FOXN2: variants seen among roughly 807,000 people sequenced by gnomAD.
The protein encoded by FOXN2 is forkhead box N2.
A neutral mutation model predicts 41.2 loss-of-function variants in FOXN2; 19 were observed. That is an observed-to-expected ratio of 0.46 (90% CI 0.32 to 0.68). FOXN2 has a LOEUF of 0.68. Ranked by LOEUF, FOXN2 falls within the 30% of genes least tolerant of loss-of-function variation. FOXN2 has a pLI of 0.03. For missense variants in FOXN2, 587 were observed against 509.4 expected (o/e 1.15, Z -1.47); for synonymous variants, 195 against 176.8 (o/e 1.10, Z -0.82).
rs960180879 is a variant in FOXN2, at chr2:48,314,829, G to A, written c.-157+15G>A. The A allele has an allele frequency of 6.6e-6, 1 of 152,056 alleles. No individual in the cohort carries two copies. The highest frequency in any genetic ancestry group is 2.1e-4 in the South Asian group (1 of 4,830). The allele number at this position is 152,056 out of a possible 1,614,324, so 9.4% of individuals were successfully genotyped here. A position where few individuals can be genotyped will look rare whatever the true frequency, so the allele number is the denominator to read the frequency against. ...CCGAGCTGACGGTGAGTCCCGGGCG[G>A]AGCGGTCCCCTCCAGGGTCGGCGCT... On this transcript the variant is annotated intron_variant, in intron 1 of 6. Coordinates refer to ENST00000340553, the MANE Select transcript of FOXN2 (RefSeq NM_002158.4).
chr2:48,327,909 T>C (rs892946953), intron 1 of FOXN2, among the ~76,000 whole-genome samples: 2 of 152,224 alleles, frequency 1.3e-5, no homozygotes, highest in African/African-American at 2.4e-5. Flanking sequence ...ATCAATATAT[T>C]AAACCAATCA....
At position 48,374,983 on chromosome 2, in the gene FOXN2, A is replaced by C. The variant is rs1673143774; in HGVS notation, c.836A>C (p.His279Pro). 6.2e-7 allele frequency: 1 copy of C among 1,613,830 alleles called. No individual in the cohort carries two copies. Among genetic ancestry groups the C allele is most frequent in the Non-Finnish European group, 8.5e-7 (1 of 1,179,922 alleles). Residue 279 changes from histidine to proline, a missense_variant, in exon 7 of 7, where the codon CAT becomes CCT. Transcript: ENST00000340553. ...AAGAGGAGTTACGGCAATGCATTTC[A>C]TCATCCCAGTGCTGTACGATTACAA... is the stretch of plus-strand genomic sequence containing the variant. ...QKKRSYGNAF[H>P]HPSAVRLQES...
upstream of FOXN2, among the ~76,000 whole-genome samples, chr2:48,313,761 G>A (rs1363413441): frequency 2.0e-5 from 3 of 151,978 alleles, no homozygotes; most frequent in African/African-American, 7.3e-5. Context: ...CTCCGTTTCC[G>A]TATCTGTAAA....
rs139704512 is a variant in FOXN2, at chr2:48,333,530, G to T, written c.-15+4828G>T. On this transcript the variant is annotated intron_variant, in intron 2 of 6. Coordinates refer to ENST00000340553, the MANE Select transcript of FOXN2 (RefSeq NM_002158.4). Reference sequence around the variant, plus strand: ...ACAAAAAAGAGACTTACAAGTATTTGTTGGGGGGAATCACGAAGTTTATGC... The same window carrying T: ...ACAAAAAAGAGACTTACAAGTATTTTTTGGGGGGAATCACGAAGTTTATGC... 3.9e-5 allele frequency among the ~76,000 whole-genome samples: 6 copies of T among 152,172 alleles called. No individual in the cohort carries two copies. The South Asian group carries it at 1.0e-3, about 26-fold the overall frequency.
At position 48,374,879 on chromosome 2, in the gene FOXN2, AAACACATTT is replaced by A. The variant is rs755233603; in HGVS notation, c.773-40_773-32del. ...TTAAAATTGGTCTGTTTTTGCAACC[AAACACATTT>A]GACCTATTGATGGAACTTTTATTTT... On this transcript the variant is annotated intron_variant, in intron 6 of 6. Transcript: ENST00000340553. 8 of 1,537,872 alleles carry A rather than the reference AAACACATTT, an allele frequency of 5.2e-6. No homozygotes were observed. In the African/African-American group the frequency reaches 1.1e-4, roughly 21 times the overall value.
At chr2:48,326,108 C>T (rs918437942) in intron 1 of FOXN2, among the ~76,000 whole-genome samples, 22 of 152,126 alleles carry the variant, frequency 1.4e-4, no homozygotes, top group Admixed American at 3.9e-4. Flanking sequence ...CCTTGGCCTA[C>T]CAGATTGCTG....
At chr2:48,336,420 T>A (rs866503946) in intron 2 of FOXN2, among the ~76,000 whole-genome samples, 221 of 102,350 alleles carry the variant, frequency 2.2e-3, no homozygotes, top group South Asian at 3.0e-3. Flanking sequence ...AAAAAAAAAA[T>A]ATATATATAT....
At chr2:48,318,321 A>G (rs190723854) in intron 1 of FOXN2, among the ~76,000 whole-genome samples, 158 of 152,280 alleles carry the variant, frequency 1.0e-3, no homozygotes, top group African/African-American at 3.7e-3. Flanking sequence ...GATGACTATG[A>G]CAATTTTAAG....
chr2:48,372,107 C>T (rs1220821606), intron 5 of FOXN2, among the ~76,000 whole-genome samples: 1 of 152,114 alleles, frequency 6.6e-6, no homozygotes, highest in East Asian at 1.9e-4. Context: ...TTTCTTGTTT[C>T]AGTTCTTAGG....
chr2:48,321,549 T>G (rs1669319551), intron 1 of FOXN2, among the ~76,000 whole-genome samples: 1 of 151,800 alleles, frequency 6.6e-6, no homozygotes, highest in Non-Finnish European at 1.5e-5. Context: ...AAAAAAATTT[T>G]AGTACATTTT....
rs1030480654 is a variant in FOXN2, at chr2:48,378,819, T to C, written c.*3376T>C. 2 of 152,514 alleles carry C rather than the reference T, an allele frequency of 1.3e-5. No homozygotes were observed. The highest frequency in any genetic ancestry group is 2.9e-5 in the Non-Finnish European group (2 of 67,974). 9.4% of individuals were successfully genotyped at this position (152,514 alleles called of 1,614,324 possible). A position where few individuals can be genotyped will look rare whatever the true frequency, so the allele number is the denominator to read the frequency against. On this transcript the variant is annotated 3_prime_UTR_variant, in exon 7 of 7. Transcript: ENST00000340553. ...TATTTTAATGTTATACCTGCCATTT[T>C]TTTTCTTAAAGCATATTCTTTGCAT...
At chr2:48,355,464 G>T (rs75427319) in intron 3 of FOXN2, among the ~76,000 whole-genome samples, 1 of 152,082 alleles carries the variant, frequency 6.6e-6, no homozygotes, top group African/African-American at 2.4e-5. Context: ...CTTGTAAATC[G>T]TCTCATAAAA....
chr2:48,336,085 G>C (rs1463406915), intron 2 of FOXN2, among the ~76,000 whole-genome samples: 1 of 149,430 alleles, frequency 6.7e-6, no homozygotes, highest in East Asian at 2.0e-4. Context: ...ACCAGGAGAA[G>C]GTGATTGGAG....
intron 5 of FOXN2, among the ~76,000 whole-genome samples, chr2:48,369,101 C>T (rs774754159): frequency 2.6e-5 from 4 of 152,132 alleles, no homozygotes; most frequent in Non-Finnish European, 4.4e-5. Flanking sequence ...GTTATAGAAA[C>T]AGTACTTAAT....
At chr2:48,327,363 T>G (rs181008494) in intron 1 of FOXN2, among the ~76,000 whole-genome samples, 132 of 152,236 alleles carry the variant, frequency 8.7e-4, no homozygotes, top group Middle Eastern at 6.8e-3. Flanking sequence ...TGATATGGCT[T>G]ATTAGAATTT....
intron 4 of FOXN2, among the ~76,000 whole-genome samples, chr2:48,362,078 T>G (rs1486050567): frequency 6.6e-6 from 1 of 152,214 alleles, no homozygotes; most frequent in Non-Finnish European, 1.5e-5. Context: ...ATTCCTATTT[T>G]ACAGATGAAG....
Position 48,375,150 on chromosome 2 carries a change from A to G in FOXN2, c.1003A>G (p.Lys335Glu). 3.7e-6 allele frequency: 6 copies of G among 1,614,112 alleles called. No individual in the cohort carries two copies. The highest frequency in any genetic ancestry group is 5.1e-6 in the Non-Finnish European group (6 of 1,179,994). ...GGATGAGGTATATGAATTTATCCCA[A>G]AGAATAGTCACGTGGGAAGTGATGG... ...SVDEVYEFIPKNSHVGSDGSE... is the reference protein window; with the variant it reads ...SVDEVYEFIPENSHVGSDGSE... Residue 335 changes from lysine to glutamate, a missense_variant, in exon 7 of 7, where the codon AAG becomes GAG. Lys to Glu is a moderately conservative substitution (Grantham distance 56). Coordinates refer to ENST00000340553, the MANE Select transcript of FOXN2 (RefSeq NM_002158.4).
At chr2:48,373,016 T>C (rs377535615) in intron 5 of FOXN2, among the ~76,000 whole-genome samples, 5 of 152,144 alleles carry the variant, frequency 3.3e-5, no homozygotes, top group East Asian at 1.9e-4. Flanking sequence ...GTTTTCGTTT[T>C]CATTGTGAAT....
intron 5 of FOXN2, among the ~76,000 whole-genome samples, chr2:48,371,806 G>C (rs1351604772): frequency 6.6e-6 from 1 of 152,138 alleles, no homozygotes; most frequent in Non-Finnish European, 1.5e-5. Context: ...TATTGTGAAT[G>C]AGATTGCCAT....
Sources: allele counts gnomAD v4.1 joint callset (sites outside exome capture counted in the v4.1 genomes callset), GRCh38; gene constraint gnomAD v4.1.1; transcripts MANE v1.5; gene names NCBI Gene and HGNC (gene_info 2026-07-23, HGNC 2026-07-21).